Variants in FRY observed in about 807,000 individuals in gnomAD.
The protein encoded by FRY is protein furry homolog.
In FRY, 128 loss-of-function variants were observed where a neutral mutation model predicts 348.4. That is an observed-to-expected ratio of 0.37 (90% CI 0.32 to 0.43). The LOEUF is 0.43. Ranked by LOEUF, FRY falls within the 20% of genes least tolerant of loss-of-function variation. The pLI, the probability that FRY is intolerant of heterozygous loss-of-function variation, is 1.00. For synonymous variants in FRY, 1,370 were observed against 1,374.7 expected, an observed-to-expected ratio of 1.00 and a Z score of 0.08; for missense variants, 2,736 against 3,695.2, an observed-to-expected ratio of 0.74 and a Z score of 6.73.
intron 55 of FRY, among the ~76,000 whole-genome samples, chr13:32,269,323 T>G (rs1888095249): frequency 6.6e-6 from 1 of 152,194 alleles, no homozygotes. Context: ...TCAATGGCAT[T>G]GCAGCAGGTT....
At chr13:32,181,397 C>T (rs1458133277) in intron 23 of FRY, among the ~76,000 whole-genome samples, 1 of 151,212 alleles carries the variant, frequency 6.6e-6, no homozygotes, top group Non-Finnish European at 1.5e-5. Flanking sequence ...GAGTTTAAGA[C>T]CAGCCTGGGC....
chr13:32,290,803 A>G (rs947489545), intron 59 of FRY, among the ~76,000 whole-genome samples: 4 of 152,060 alleles, frequency 2.6e-5, no homozygotes, highest in African/African-American at 7.2e-5. Context: ...GGACAAAAAA[A>G]TCAATGAAAC....
chr13:32,045,543 A>G (rs1343980115), intron 1 of FRY, among the ~76,000 whole-genome samples: 2 of 152,220 alleles, frequency 1.3e-5, no homozygotes, highest in African/African-American at 2.4e-5. Flanking sequence ...TTTGGTGTCA[A>G]TGGTTGCAAG....
chr13:32,095,304 A>G (rs1876614520), intron 2 of FRY, among the ~76,000 whole-genome samples: 1 of 114,066 alleles, frequency 8.8e-6, no homozygotes. Context: ...TTGTCTCTTC[A>G]CTTTGTTGAT....
chr13:32,124,804 T>G lies in FRY; in HGVS notation c.645T>G (p.Gly215=). The stretch of plus-strand genomic sequence containing the variant: ...ATTATACCCTACTTAGGTACCTTGG[T>G]CCCAACACTGGCAATATGCATATTG... ...KHFKYKEGYL[G]PNTGNMHIVA... The change falls in exon 7 of 61, where the codon GGT becomes GGG. Residue 215 remains glycine, a synonymous_variant. Coordinates refer to ENST00000542859, the MANE Select transcript of FRY (RefSeq NM_023037.3). The G allele has an allele frequency of 6.2e-7, 1 of 1,611,590 alleles. No homozygotes were observed. Among genetic ancestry groups the G allele is most frequent in the Non-Finnish European group, 8.5e-7 (1 of 1,177,636 alleles).
intron 15 of FRY, among the ~76,000 whole-genome samples, chr13:32,156,000 T>C (rs1397795734): frequency 2.6e-5 from 4 of 152,020 alleles, no homozygotes; most frequent in Admixed American, 1.3e-4. Context: ...TTCATTCATC[T>C]CCTTCTTTTT....
intron 7 of FRY, among the ~76,000 whole-genome samples, 183 bp from the exon 8 acceptor site, chr13:32,131,486 AAGG>A (rs1879358819): frequency 6.6e-6 from 1 of 152,186 alleles, no homozygotes; most frequent in African/African-American, 2.4e-5. Flanking sequence ...AAGAAGGGTA[AAGG>A]AGAAGAAAAT....
chr13:32,110,757 A>AT (rs1276002373), intron 3 of FRY, among the ~76,000 whole-genome samples: 1 of 152,236 alleles, frequency 6.6e-6, no homozygotes. Flanking sequence ...AATACCAAAA[A>AT]TTGTATGCTG....
chr13:32,229,500 G>A (rs1347995498), intron 40 of FRY, among the ~76,000 whole-genome samples: 16 of 152,228 alleles, frequency 1.1e-4, no homozygotes, highest in Admixed American at 1.0e-3. Flanking sequence ...TCAACTTAAT[G>A]TGGGATTTAA....
At chr13:32,085,936 C>A (rs374534390) in intron 2 of FRY, 1 of 518,836 alleles carries the variant, frequency 1.9e-6, no homozygotes, top group Non-Finnish European at 3.8e-6. Context: ...CAGAGGCAAA[C>A]AAAGTACTTA....
intron 2 of FRY, among the ~76,000 whole-genome samples, chr13:32,091,109 G>A (rs910398520): frequency 2.0e-5 from 3 of 152,020 alleles, no homozygotes; most frequent in Non-Finnish European, 4.4e-5. Context: ...TTATTATTTC[G>A]CTTAAGAAAA....
chr13:32,267,379 G>A lies in FRY; in HGVS notation c.8136+20G>A, dbSNP rs1593824847. 1 of 1,606,704 alleles carries A rather than the reference G, an allele frequency of 6.2e-7. No homozygotes were observed. Among genetic ancestry groups the A allele is most frequent in the East Asian group, 2.2e-5 (1 of 44,850 alleles). ...TTTAAGGTATGTGTGCTCACTGAAA[G>A]TGCAGAGGACTTAGTTTCTAAGGGG... is the stretch of plus-strand genomic sequence containing the variant. On this transcript the variant is annotated intron_variant, in intron 55 of 60. Coordinates refer to ENST00000542859, the MANE Select transcript of FRY (RefSeq NM_023037.3).
chr13:32,226,979 T>G (rs1885615957), intron 39 of FRY, among the ~76,000 whole-genome samples: 1 of 152,104 alleles, frequency 6.6e-6, no homozygotes, highest in African/African-American at 2.4e-5. Flanking sequence ...AACTGAAGAG[T>G]TCTAGCTGCT....
chr13:32,294,700 T>C (rs1174688274), intron 60 of FRY, 130 bp downstream of exon 60: 5 of 740,914 alleles, frequency 6.7e-6, no homozygotes, highest in African/African-American at 5.2e-5. Flanking sequence ...TCTTTACTGC[T>C]GCCAAACCAG....
chr13:32,186,474 T>C, intron 27 of FRY, 54 bp downstream of exon 27: 1 of 1,092,142 alleles, frequency 9.2e-7, no homozygotes, highest in Non-Finnish European at 1.4e-6. Flanking sequence ...TCTCTCTCGT[T>C]AAACTAATAA....
At chr13:32,131,108 G>A (rs558902336) in intron 7 of FRY, among the ~76,000 whole-genome samples, 11 of 152,210 alleles carry the variant, frequency 7.2e-5, no homozygotes, top group Non-Finnish European at 1.2e-4. Flanking sequence ...GCGCCACTGC[G>A]CCCGGCCTCC....
chr13:32,292,519 T>C (rs528269553), intron 59 of FRY, among the ~76,000 whole-genome samples: 29 of 151,718 alleles, frequency 1.9e-4, no homozygotes, highest in South Asian at 1.5e-3. Flanking sequence ...TTTGGCAGGG[T>C]GCGGTGGCTC....
At chr13:32,180,228 AT>A (rs905860366) in intron 23 of FRY, among the ~76,000 whole-genome samples, 12 of 148,340 alleles carry the variant, frequency 8.1e-5, no homozygotes, top group South Asian at 2.1e-4. Flanking sequence ...TGATCTTTCT[AT>A]TTTTTTTTCT....
At chr13:32,265,317 A>C in intron 53 of FRY, 133 bp from the exon 54 acceptor site, 1 of 822,358 alleles carries the variant, frequency 1.2e-6, no homozygotes, top group South Asian at 1.4e-5. Flanking sequence ...ACTATACTGT[A>C]GCTAGAAAAC....
Sources: allele counts gnomAD v4.1 joint callset (sites outside exome capture counted in the v4.1 genomes callset), GRCh38; gene constraint gnomAD v4.1.1; transcripts MANE v1.5; gene names NCBI Gene and HGNC (gene_info 2026-07-23, HGNC 2026-07-21).